The following CDK5RAP2 variants were observed in gnomAD, a reference collection of about 807,000 sequenced individuals.
The protein encoded by CDK5RAP2 is CDK5 regulatory subunit associated protein 2.
CDK5RAP2 carries 147 observed loss-of-function variants against 232.9 expected under a neutral mutation model. The observed-to-expected ratio is 0.63, with a 90% CI of 0.55 to 0.72. The LOEUF (loss-of-function observed/expected upper bound fraction) is 0.72, where lower values mean the gene tolerates loss of function less well. Among genes scored for constraint, CDK5RAP2 ranks in the 30% least tolerant of loss-of-function variants. CDK5RAP2 has a pLI of 0.00. For synonymous variants in CDK5RAP2, 833 were observed against 833.7 expected, an observed-to-expected ratio of 1.00 and a Z score of 0.01; for missense variants, 2,195 against 2,231.5, an observed-to-expected ratio of 0.98 and a Z score of 0.33.
intron 22 of CDK5RAP2, among the ~76,000 whole-genome samples, chr9:120,446,427 C>T (rs1482144709): frequency 1.3e-5 from 2 of 152,058 alleles, no homozygotes; most frequent in Admixed American, 6.6e-5. Flanking sequence ...GGTTTCGCCA[C>T]GTTGGCCAAG....
chr9:120,407,920 G>A (rs533957411), intron 31 of CDK5RAP2: 25 of 285,034 alleles, frequency 8.8e-5, no homozygotes, highest in South Asian at 8.6e-4. Context: ...CTAGCAGGAC[G>A]ATTATAATAA....
intron 12 of CDK5RAP2, among the ~76,000 whole-genome samples, chr9:120,503,692 G>A (rs1009847725): frequency 1.3e-5 from 2 of 152,068 alleles, no homozygotes; most frequent in African/African-American, 4.8e-5. Context: ...AAACTCCCAG[G>A]GTCCTTGGAG....
chr9:120,577,605 G>A (rs973386934), intron 1 of CDK5RAP2, among the ~76,000 whole-genome samples: 13 of 152,198 alleles, frequency 8.5e-5, no homozygotes, highest in Non-Finnish European at 1.8e-4. Flanking sequence ...GCAAAGGCAG[G>A]GAGATGAGGG....
chr9:120,396,579 G>A (rs543523940), intron 35 of CDK5RAP2, among the ~76,000 whole-genome samples: 1 of 152,180 alleles, frequency 6.6e-6, no homozygotes, highest in Non-Finnish European at 1.5e-5. Context: ...CCGGGGCTCA[G>A]TGTCTCCCCA....
chr9:120,507,566 T>C (rs1310445520), intron 12 of CDK5RAP2, among the ~76,000 whole-genome samples: 1 of 152,046 alleles, frequency 6.6e-6, no homozygotes, highest in African/African-American at 2.4e-5. Flanking sequence ...CCTCTAGAAA[T>C]TGACTCAGTA....
At chr9:120,457,587 C>G (rs2036851822) in intron 20 of CDK5RAP2, among the ~76,000 whole-genome samples, 1 of 152,190 alleles carries the variant, frequency 6.6e-6, no homozygotes, top group Non-Finnish European at 1.5e-5. Flanking sequence ...CTCACAAAAA[C>G]AGAATGCTTC....
chr9:120,553,579 G>T (rs1471990443), intron 3 of CDK5RAP2, among the ~76,000 whole-genome samples: 5 of 152,258 alleles, frequency 3.3e-5, no homozygotes, highest in African/African-American at 1.2e-4. Flanking sequence ...TTACCTTTGG[G>T]GAGGAAAAGT....
intron 12 of CDK5RAP2, among the ~76,000 whole-genome samples, chr9:120,511,733 T>TG (rs2040095456): frequency 1.4e-5 from 2 of 147,182 alleles, no homozygotes; most frequent in African/African-American, 2.5e-5. Context: ...TATCACAACA[T>TG]GCTTTTTTTT....
chr9:120,429,983 C>T (rs998212089), intron 25 of CDK5RAP2, among the ~76,000 whole-genome samples: 2 of 152,148 alleles, frequency 1.3e-5, no homozygotes, highest in African/African-American at 4.8e-5. Flanking sequence ...TGATCTTTGA[C>T]AAACCTGAGA....
rs764886700 is a variant in CDK5RAP2 at position 120,471,780 on chromosome 9, T to C, written c.1826A>G (p.Glu609Gly). 1.2e-5 allele frequency: 19 copies of C among 1,614,124 alleles called. No homozygotes were observed. Among genetic ancestry groups the C allele is most frequent in the Non-Finnish European group, 1.5e-5 (18 of 1,179,958 alleles). ...CCTCCGAATTTCGCTGATCTGCTCC[T>C]CCAAGGTCTTCCGCAAATTCTGATA... ...LSYQNLRKTL[E>G]EQISEIRRRE... is the part of the protein sequence containing the mutation. The change falls in exon 16 of 38, where the codon GAG becomes GGG. Residue 609 changes from glutamate (E) to glycine (G), a missense_variant. Glu to Gly is a moderately conservative substitution (Grantham distance 98). Coordinates refer to ENST00000349780, the MANE Select transcript of CDK5RAP2 (RefSeq NM_018249.6).
At chr9:120,484,335 A>G (rs1588455724) in intron 14 of CDK5RAP2, among the ~76,000 whole-genome samples, 1 of 152,252 alleles carries the variant, frequency 6.6e-6, no homozygotes, top group East Asian at 1.9e-4. Context: ...TAAGGCTGCA[A>G]CAGTTGGGAT....
intron 14 of CDK5RAP2, among the ~76,000 whole-genome samples, chr9:120,484,293 T>C (rs1031029059): frequency 1.3e-5 from 2 of 152,188 alleles, no homozygotes. Flanking sequence ...AGCACACCTT[T>C]CTTGGGGCCG....
At chr9:120,401,738 C>T (rs527812716) in intron 34 of CDK5RAP2, among the ~76,000 whole-genome samples, 69 of 152,026 alleles carry the variant, frequency 4.5e-4, no homozygotes, top group African/African-American at 1.5e-3. Flanking sequence ...TATCCCAGCA[C>T]TTTGGGAGGC....
intron 14 of CDK5RAP2, among the ~76,000 whole-genome samples, chr9:120,486,572 G>C (rs1477684401): frequency 3.3e-5 from 5 of 152,148 alleles, no homozygotes; most frequent in Non-Finnish European, 5.9e-5. Flanking sequence ...CCCTACCCCA[G>C]AAGTGCCTGC....
At chr9:120,577,471 T>C (rs1055364019) in intron 1 of CDK5RAP2, among the ~76,000 whole-genome samples, 4 of 152,254 alleles carry the variant, frequency 2.6e-5, no homozygotes, top group South Asian at 2.1e-4. Flanking sequence ...AGTTTCTGTT[T>C]TGCAAGATGG....
chr9:120,406,936 C>T (rs2033483848), intron 32 of CDK5RAP2, 76 bp downstream of exon 32: 4 of 1,098,900 alleles, frequency 3.6e-6, no homozygotes, highest in Non-Finnish European at 4.1e-6. Context: ...GCAAAGGCAT[C>T]ATTCAGAAGT....
chr9:120,477,328 A>G (rs1233222628), intron 15 of CDK5RAP2, 22 bp downstream of exon 15: 1 of 1,539,268 alleles, frequency 6.5e-7, no homozygotes, highest in African/African-American at 1.4e-5. Context: ...CACATGTGTG[A>G]TGTCCAGACA....
At chr9:120,422,637 G>T in intron 26 of CDK5RAP2, 56 bp downstream of exon 26, 1 of 1,339,744 alleles carries the variant, frequency 7.5e-7, no homozygotes, top group Non-Finnish European at 1.1e-6. Context: ...AAGCTGGCAG[G>T]TAAATCAGAC....
chr9:120,509,147 G>C (rs2039963140), intron 12 of CDK5RAP2, among the ~76,000 whole-genome samples: 1 of 152,184 alleles, frequency 6.6e-6, no homozygotes, highest in Non-Finnish European at 1.5e-5. Context: ...TTCTTATAGG[G>C]ATCAATCAGC....
Sources: allele counts gnomAD v4.1 joint callset (sites outside exome capture counted in the v4.1 genomes callset), GRCh38; gene constraint gnomAD v4.1.1; transcripts MANE v1.5; gene names NCBI Gene and HGNC (gene_info 2026-07-23, HGNC 2026-07-21).